GBP7: variants seen among roughly 807,000 people sequenced by gnomAD.
GBP7 encodes guanylate binding protein 7, also known as guanylate-binding protein 7.
In GBP7, 43 loss-of-function variants were observed where a neutral mutation model predicts 61.3. That is an observed-to-expected ratio of 0.70 (90% CI 0.55 to 0.91). The LOEUF is 0.91. GBP7 is among the 40% of genes least tolerant of loss of function. The pLI, the probability that GBP7 is intolerant of heterozygous loss-of-function variation, is 0.00. For synonymous variants in GBP7, 267 were observed against 271.0 expected (o/e 0.99, Z 0.14); for missense variants, 717 against 740.5 (o/e 0.97, Z 0.37).
intron 3 of GBP7, among the ~76,000 whole-genome samples, chr1:89,159,716 G>A (rs1183232461): frequency 2.0e-5 from 3 of 152,182 alleles, no homozygotes; most frequent in African/African-American, 4.8e-5. Context: ...GAAACAACAG[G>A]TGCTGGAGAG....
Position 89,147,568 on chromosome 1 carries a change from T to A in GBP7, c.1364A>T (p.Lys455Met). The change falls in exon 8 of 11, where the codon AAG becomes ATG. Residue 455 changes from lysine to methionine, a missense_variant and splice_region_variant. Lys to Met is a moderately conservative substitution (Grantham distance 95). Around this residue, in one of 3 missense-constraint regions of GBP7, gnomAD observed 312 missense variants for 310.1 expected, o/e 1.01. Coordinates refer to ENST00000294671, the MANE Select transcript of GBP7 (RefSeq NM_207398.3). ...DYTLVPRKGV[K>M]ADEVLQSFLQ... is the part of the protein sequence containing the mutation. ...TCCCCTTCTCCCCTTATTCCTCACC[T>A]TAACTCCTTTTCTGGGCACTAGTGT... 6.2e-7 allele frequency: 1 copy of A among 1,612,418 alleles called. No homozygotes were observed. Among genetic ancestry groups the A allele is most frequent in the Non-Finnish European group, 8.5e-7 (1 of 1,178,408 alleles).
intron 9 of GBP7, among the ~76,000 whole-genome samples, chr1:89,139,191 G>A (rs1388024841): frequency 6.6e-6 from 1 of 152,120 alleles, no homozygotes; most frequent in Non-Finnish European, 1.5e-5. Context: ...ACAAGCAATG[G>A]GGAAAGGATT....
chr1:89,135,553 G>A (rs1421595110), intron 9 of GBP7, among the ~76,000 whole-genome samples: 2 of 152,024 alleles, frequency 1.3e-5, no homozygotes, highest in Non-Finnish European at 2.9e-5. Context: ...TTCAGCATTT[G>A]TAAAGAAAAG....
intron 5 of GBP7, among the ~76,000 whole-genome samples, chr1:89,151,424 A>G (rs1682195794): frequency 6.6e-6 from 1 of 152,214 alleles, no homozygotes; most frequent in Non-Finnish European, 1.5e-5. Flanking sequence ...CAAGGACAAG[A>G]TGTGGCTGGG....
At chr1:89,149,637 T>C in intron 6 of GBP7, 65 bp from the exon 7 acceptor site, 1 of 1,342,806 alleles carries the variant, frequency 7.4e-7, no homozygotes, top group Non-Finnish European at 1.0e-6. Context: ...ACGAGTGGTA[T>C]GTATCAGCAT....
At chr1:89,175,188 G>T (rs1041873541) in intron 1 of GBP7, among the ~76,000 whole-genome samples, 1 of 152,122 alleles carries the variant, frequency 6.6e-6, no homozygotes, top group African/African-American at 2.4e-5. Context: ...CTATAATAAA[G>T]AGTGGTTTGT....
intron 9 of GBP7, among the ~76,000 whole-genome samples, chr1:89,140,283 A>G (rs1460478420): frequency 1.0e-5 from 1 of 100,300 alleles, no homozygotes; most frequent in Non-Finnish European, 1.8e-5. Context: ...CACTCCGGGG[A>G]CTGTTGTGGG....
chr1:89,149,695 T>C lies in GBP7; in HGVS notation c.872-123A>G, dbSNP rs890359524. The C allele has an allele frequency of 3.8e-4, 290 of 759,106 alleles. 1 individual carries two copies. The highest frequency in any genetic ancestry group is 2.1e-6 in the Non-Finnish European group (1 of 482,796). 47.0% of individuals were successfully genotyped at this position (759,106 alleles called of 1,614,324 possible). On this transcript the variant is annotated intron_variant, in intron 6 of 10. Coordinates refer to ENST00000294671, the MANE Select transcript of GBP7 (RefSeq NM_207398.3). ...ATTTAACATGAATTTTCCCTCCTTC[T>C]CCTTCTTTCAATTCTACTATTACTA...
At chr1:89,137,302 T>C (rs1681828683) in intron 9 of GBP7, among the ~76,000 whole-genome samples, 1 of 152,082 alleles carries the variant, frequency 6.6e-6, no homozygotes. Flanking sequence ...TAATACATTC[T>C]ATGAGGCCAG....
At chr1:89,164,089 C>T (rs889260252) in intron 3 of GBP7, among the ~76,000 whole-genome samples, 3 of 152,126 alleles carry the variant, frequency 2.0e-5, no homozygotes, top group South Asian at 2.1e-4. Context: ...AGGCTGGTCT[C>T]GGACTTCTGA....
intron 8 of GBP7, among the ~76,000 whole-genome samples, chr1:89,144,820 T>C (rs945221937): frequency 3.9e-5 from 6 of 152,172 alleles, no homozygotes; most frequent in African/African-American, 4.8e-5. Context: ...CACCATGCTA[T>C]ACACTAGGCA....
rs765844048 is a variant in GBP7 at position 89,171,911 on chromosome 1, C to T, written c.25G>A (p.Gly9Ser). The change falls in exon 2 of 11, where the codon GGC (glycine) becomes AGC (serine). Residue 9 changes from glycine to serine, a missense_variant. This residue lies in a region of GBP7 where 387 missense variants were observed against 385.2 expected (regional missense o/e 1.00). Transcript: ENST00000294671. The stretch of plus-strand genomic sequence containing the variant: ...GTGTTCTCAGTGAGGCACACTGGGC[C>T]TGGCATGTGGATCTCTGATGCCATG... MASEIHMP[G>S]PVCLTENTKG... 8 of 1,612,854 alleles carry T rather than the reference C, an allele frequency of 5.0e-6. No homozygotes were observed. The highest frequency in any genetic ancestry group is 1.3e-5 in the African/African-American group (1 of 74,870).
Position 89,158,949 on chromosome 1 carries a change from C to T in GBP7, c.318+5782G>A, listed in dbSNP as rs182784223. 7.2e-4 allele frequency among the ~76,000 whole-genome samples: 109 copies of T among 152,164 alleles called. 1 individual carries two copies. Among genetic ancestry groups the T allele is most frequent in the African/African-American group, 2.4e-3 (101 of 41,522 alleles). ...ACAAAGCTGGAGGCATCACACTACC[C>T]GATTTCAAACTATACTACAAGGCTA... is the stretch of plus-strand genomic sequence containing the variant. On this transcript the variant is annotated intron_variant, in intron 3 of 10. Transcript: ENST00000294671.
rs148220904 is a variant in GBP7, at chr1:89,132,224, T to A, written c.1842A>T (p.Leu614=). 171 of 1,613,546 alleles carry A rather than the reference T, an allele frequency of 1.1e-4. No individual in the cohort carries two copies. Among genetic ancestry groups the A allele is most frequent in the Non-Finnish European group, 2.2e-5 (26 of 1,179,556 alleles). Residue 614 remains leucine, a synonymous_variant, in exon 11 of 11, where the codon CTA becomes CTT. Coordinates refer to ENST00000294671, the MANE Select transcript of GBP7 (RefSeq NM_207398.3). ...FIAALPGAAK[L]VDLGMKILSS... is the part of the protein sequence containing the mutation. The stretch of plus-strand genomic sequence containing the variant: ...TAAGAATTTTCATTCCTAAATCAAC[T>A]AGCTTAGCAGCCCCAGGTAGTGCTG...
chr1:89,142,298 C>T (rs1029557461), intron 8 of GBP7, among the ~76,000 whole-genome samples: 5 of 152,106 alleles, frequency 3.3e-5, no homozygotes, highest in African/African-American at 1.2e-4. Context: ...CACTCTGTCA[C>T]CCAAGCACAA....
rs1272500486 is a variant in GBP7 at position 89,132,093 on chromosome 1, AAC to A, written c.*54_*55del. On this transcript the variant is annotated 3_prime_UTR_variant, in exon 11 of 11. Coordinates refer to ENST00000294671, the MANE Select transcript of GBP7 (RefSeq NM_207398.3). ...AACTTTTCTTAAATGAAACTGCAAT[AAC>A]ACATATACTTTTAAAATGAGCAACA... The A allele has an allele frequency of 1.4e-6, 2 of 1,401,416 alleles. No homozygotes were observed. The highest frequency in any genetic ancestry group is 1.9e-6 in the Non-Finnish European group (2 of 1,038,228). The allele number at this position is 1,401,416 out of a possible 1,614,324, so 86.8% of individuals were successfully genotyped here.
intron 9 of GBP7, among the ~76,000 whole-genome samples, chr1:89,136,979 A>G (rs969299733): frequency 1.3e-5 from 2 of 152,144 alleles, no homozygotes; most frequent in Admixed American, 1.3e-4. Flanking sequence ...GGACATTGCT[A>G]TCAACTCCAC....
chr1:89,136,301 G>A (rs1353778509), intron 9 of GBP7, among the ~76,000 whole-genome samples: 1 of 152,004 alleles, frequency 6.6e-6, no homozygotes, highest in Non-Finnish European at 1.5e-5. Context: ...CTTGACATTT[G>A]ACCAGATGGA....
chr1:89,148,722 A>G (rs1682123338), intron 7 of GBP7, among the ~76,000 whole-genome samples: 1 of 152,218 alleles, frequency 6.6e-6, no homozygotes, highest in East Asian at 1.9e-4. Flanking sequence ...TCAGCTTGTG[A>G]TACACTGAGT....
Sources: gnomAD v4.1 joint callset for allele counts (sites outside exome capture counted in the v4.1 genomes callset) on GRCh38, gnomAD v4.1.1 for gene constraint, gnomAD v4.1.1 regional missense constraint, MANE v1.5 for transcripts, NCBI Gene and HGNC (gene_info 2026-07-23, HGNC 2026-07-21) for gene names.